AMER1: variants seen among roughly 807,000 people sequenced by gnomAD.
AMER1 encodes APC membrane recruitment protein 1.
Under a neutral mutation model 53.0 loss-of-function variants are expected in AMER1, and 16 were observed. The ratio of observed to expected loss-of-function variants is 0.30; its 90% confidence interval spans 0.20 to 0.46. The LOEUF (loss-of-function observed/expected upper bound fraction) is 0.46. AMER1 is among the 20% of genes least tolerant of loss of function. AMER1 has a pLI of 1.00. For missense variants in AMER1, 947 were observed against 884.9 expected, an observed-to-expected ratio of 1.07 and a Z score of -0.89; for synonymous variants, 354 against 331.9, an observed-to-expected ratio of 1.07 and a Z score of -0.73.
At chrX:64,199,025 G>A (rs1292354317) in intron 1 of AMER1, among the ~76,000 whole-genome samples, 15 of 112,543 alleles carry the variant, frequency 1.3e-4, no homozygotes, top group Admixed American at 9.4e-4. Flanking sequence ...AGGAAGGGCT[G>A]CTTGGCTTGG....
In AMER1 at chrX:64,192,782, G is replaced by C. The variant is rs777973792; in HGVS notation, c.505C>G (p.Leu169Val). The C allele has an allele frequency of 7.4e-6, 9 of 1,209,253 alleles. No individual in the cohort carries two copies. The Admixed American group carries it at 1.5e-4, about 21-fold the overall frequency. Residue 169 changes from leucine to valine, a missense_variant, in exon 2 of 2, where the codon CTA (leucine) becomes GTA (valine). Physicochemically the swap from Leu to Val is conservative, Grantham distance 32. Transcript: ENST00000374869. ...FPSMPKPKKGLKGFFSSIRRH... is the reference protein window; with the variant it reads ...FPSMPKPKKGVKGFFSSIRRH... ...CGGATACTGCTAAAAAAGCCTTTTA[G>C]GCCTTTCTTTGGCTTGGGCATAGAG...
chrX:64,191,309 C>T lies in AMER1; in HGVS notation c.1978G>A (p.Gly660Ser), dbSNP rs768008290. The change falls in exon 2 of 2, where the codon GGC (glycine) becomes AGC (serine). Residue 660 changes from glycine to serine, a missense_variant. Physicochemically the swap from Gly to Ser is moderately conservative, Grantham distance 56. Coordinates refer to ENST00000374869, the MANE Select transcript of AMER1 (RefSeq NM_152424.4). ...PVLEYQMRPL[G>S]PSVMGLAAGV... The stretch of plus-strand genomic sequence containing the variant: ...GCTGCCAGGCCCATCACTGATGGGC[C>T]TAAGGGCCTCATCTGATACTCTAAG... The T allele has an allele frequency of 8.3e-7, 1 of 1,211,590 alleles. No individual in the cohort carries two copies. Among genetic ancestry groups the T allele is most frequent in the Non-Finnish European group, 1.1e-6 (1 of 895,463 alleles).
rs1012900355 is a variant in AMER1 at position 64,188,033 on chromosome X, G to A, written c.*1846C>T. On this transcript the variant is annotated 3_prime_UTR_variant, in exon 2 of 2. Coordinates refer to ENST00000374869, the MANE Select transcript of AMER1 (RefSeq NM_152424.4). ...TCTGCTATTTGTGAGTAAGGGCACT[G>A]GGCCAACCCCAATCTGAGAAATGGT... The A allele has an allele frequency of 3.8e-6, 3 of 782,432 alleles. No individual in the cohort carries two copies. The South Asian group carries it at 2.0e-4, about 52-fold the overall frequency. 64.5% of individuals were successfully genotyped at this position (782,432 alleles called of 1,213,427 possible).
Position 64,191,390 on chromosome X carries a change from C to A in AMER1, c.1897G>T (p.Val633Phe), listed in dbSNP as rs772493411. The A allele has an allele frequency of 1.2e-5, 15 of 1,211,800 alleles. No homozygotes were observed. Among genetic ancestry groups the A allele is most frequent in the Non-Finnish European group, 1.6e-5 (14 of 895,475 alleles). ...CGGACTTGAGTCTCTCTACAACGAA[C>A]CTCTCGGGCCTGGGCTTCTCGGGTT... ...ARTREAQARE[V>F]RCRETQVRET... Residue 633 changes from valine (V) to phenylalanine (F), a missense_variant, in exon 2 of 2, where the codon GTT (valine) becomes TTT (phenylalanine). Val to Phe is a conservative substitution (Grantham distance 50). Transcript: ENST00000374869.
At chrX:64,197,321 C>T (rs1266789881) in intron 1 of AMER1, among the ~76,000 whole-genome samples, 1 of 112,922 alleles carries the variant, frequency 8.9e-6, no homozygotes, top group Non-Finnish European at 1.9e-5. Flanking sequence ...GCGCTGGGGC[C>T]ATTCCAGCTC....
At position 64,189,005 on chromosome X, in the gene AMER1, C is replaced by G. The variant is rs890413015; in HGVS notation, c.*874G>C. 2.5e-6 allele frequency: 2 copies of G among 804,795 alleles called. No homozygotes were observed. The highest frequency in any genetic ancestry group is 6.2e-4 in the Middle Eastern group (1 of 1,618). 66.3% of individuals were successfully genotyped at this position (804,795 alleles called of 1,213,427 possible). The stretch of plus-strand genomic sequence containing the variant: ...TCCTATCATTCCGGAGCTCAACACT[C>G]TATGGCAGTGTCCACAACAGAACCT... On this transcript the variant is annotated 3_prime_UTR_variant, in exon 2 of 2. Transcript: ENST00000374869.
chrX:64,200,022 C>T (rs1325439037), intron 1 of AMER1, among the ~76,000 whole-genome samples: 1 of 112,725 alleles, frequency 8.9e-6, no homozygotes, highest in Non-Finnish European at 1.9e-5. Context: ...CTTCTTAGTG[C>T]CCCAGGTTCC....
chrX:64,189,321 T>C lies in AMER1; in HGVS notation c.*558A>G, dbSNP rs1930175410. ...ATAATTTCACATTGCTAATAGCAAA[T>C]AAGCCCCACTTCCCCAAGCGGGAGG... On this transcript the variant is annotated 3_prime_UTR_variant, in exon 2 of 2. Transcript: ENST00000374869. 1 of 787,631 alleles carries C rather than the reference T, an allele frequency of 1.3e-6. No homozygotes were observed. The allele number at this position is 787,631 out of a possible 1,213,427, so 64.9% of individuals were successfully genotyped here.
intron 1 of AMER1, among the ~76,000 whole-genome samples, chrX:64,201,798 T>C (rs1252590746): frequency 4.5e-5 from 5 of 112,072 alleles, no homozygotes; most frequent in Non-Finnish European, 9.4e-5. Flanking sequence ...GTTTCTTCCA[T>C]ACACACTATC....
chrX:64,187,689 C>T lies in AMER1; in HGVS notation c.*2190G>A, dbSNP rs1930136481. 3 of 775,064 alleles carry T rather than the reference C, an allele frequency of 3.9e-6. No individual in the cohort carries two copies. Among genetic ancestry groups the T allele is most frequent in the South Asian group, 6.7e-5 (1 of 14,996 alleles). 63.9% of individuals were successfully genotyped at this position (775,064 alleles called of 1,213,427 possible). On this transcript the variant is annotated 3_prime_UTR_variant, in exon 2 of 2. Transcript: ENST00000374869. ...AAGAAGAGGCAAGAGGTGGGTTCTT[C>T]CCTGTTGTAAAGGCATTTGGTGAGT...
At chrX:64,203,929 C>G (rs143000738) in intron 1 of AMER1, among the ~76,000 whole-genome samples, 98 of 111,625 alleles carry the variant, frequency 8.8e-4, no homozygotes, top group African/African-American at 3.0e-3. Context: ...CATAAAGGTC[C>G]AGAGCTAGCC....
chrX:64,198,126 T>C (rs913853702), intron 1 of AMER1, among the ~76,000 whole-genome samples: 2 of 111,568 alleles, frequency 1.8e-5, no homozygotes, highest in Admixed American at 9.5e-5. Context: ...GGTCATGTCA[T>C]AGGAGGCTTT....
At position 64,192,438 on chromosome X, in the gene AMER1, C is replaced by T. The variant is rs770918285; in HGVS notation, c.849G>A (p.Glu283=). 1 of 1,205,462 alleles carries T rather than the reference C, an allele frequency of 8.3e-7. No homozygotes were observed. The highest frequency in any genetic ancestry group is 2.2e-5 in the Admixed American group (1 of 45,449). The stretch of plus-strand genomic sequence containing the variant: ...TCTCCCCTGTTTCTGGGCTATGGGG[C>T]TCCTCTAGGCTACTGGCTTCAGGGG... ...KPAPEASSLE[E]PHSPETGEKV... is the part of the protein sequence containing the mutation. Residue 283 remains glutamate, a synonymous_variant, in exon 2 of 2, where the codon GAG becomes GAA. Transcript: ENST00000374869.
Position 64,189,475 on chromosome X carries a change from T to C in AMER1, c.*404A>G, listed in dbSNP as rs938765142. 1 of 640,402 alleles carries C rather than the reference T, an allele frequency of 1.6e-6. No homozygotes were observed. Among genetic ancestry groups the C allele is most frequent in the African/African-American group, 3.4e-5 (1 of 29,371 alleles). The allele number at this position is 640,402 out of a possible 1,213,427, so 52.8% of individuals were successfully genotyped here. On this transcript the variant is annotated 3_prime_UTR_variant, in exon 2 of 2. Coordinates refer to ENST00000374869, the MANE Select transcript of AMER1 (RefSeq NM_152424.4). ...GTGTGCATGTGTGTTTGTGTGTGTG[T>C]GTGTATGTATGTGTGTGTGTGTGTG...
chrX:64,185,963 G>A lies in AMER1; in HGVS notation c.*3916C>T, dbSNP rs978308618. 6 of 468,071 alleles carry A rather than the reference G, an allele frequency of 1.3e-5. No individual in the cohort carries two copies. Among genetic ancestry groups the A allele is most frequent in the Non-Finnish European group, 2.1e-5 (6 of 291,414 alleles). The allele number at this position is 468,071 out of a possible 1,213,427, so 38.6% of individuals were successfully genotyped here. On this transcript the variant is annotated 3_prime_UTR_variant, in exon 2 of 2. Transcript: ENST00000374869. The stretch of plus-strand genomic sequence containing the variant: ...TTGGAGAAACTCAACAAGACAAATA[G>A]CACAACATGGGCACTCTGATTTCAA...
In AMER1 at chrX:64,188,683, A is replaced by G; in HGVS notation, c.*1196T>C. On this transcript the variant is annotated 3_prime_UTR_variant, in exon 2 of 2. Coordinates refer to ENST00000374869, the MANE Select transcript of AMER1 (RefSeq NM_152424.4). ...GGAACATTTTGTGTTGGGAGGCTTG[A>G]GAAGGGAGTTTTCCCTTTTAAGAAA... is the stretch of plus-strand genomic sequence containing the variant. The G allele has an allele frequency of 1.2e-6, 1 of 800,291 alleles. No individual in the cohort carries two copies. The highest frequency in any genetic ancestry group is 1.5e-6 in the Non-Finnish European group (1 of 667,530). 66.0% of individuals were successfully genotyped at this position (800,291 alleles called of 1,213,427 possible). A position where few individuals can be genotyped will look rare whatever the true frequency, so the allele number is the denominator to read the frequency against.
rs372996310 is a variant in AMER1, at chrX:64,191,042, A to G, written c.2245T>C (p.Ser749Pro). The change falls in exon 2 of 2, where the codon TCA becomes CCA. Residue 749 changes from serine (S) to proline (P), a missense_variant. Transcript: ENST00000374869. The part of the protein sequence containing the change: ...GSPRRAYPTY[S>P]PPEDPEEEEV... Reference sequence around the variant, plus strand: ...TCTTCCTCTGGATCTTCAGGGGGTGAATAAGTAGGGTAGGCCCTCCTGGGA... The same window carrying G: ...TCTTCCTCTGGATCTTCAGGGGGTGGATAAGTAGGGTAGGCCCTCCTGGGA... 1.7e-6 allele frequency: 2 copies of G among 1,212,051 alleles called. No individual in the cohort carries two copies. Among genetic ancestry groups the G allele is most frequent in the African/African-American group, 1.7e-5 (1 of 57,880 alleles).
rs1555933313 is a variant in AMER1, at chrX:64,191,374, GTC to G, written c.1911_1912del (p.Glu637AspfsTer69). The G allele has an allele frequency of 8.3e-7, 1 of 1,211,866 alleles. No individual in the cohort carries two copies. Among genetic ancestry groups the G allele is most frequent in the Non-Finnish European group, 1.1e-6 (1 of 895,507 alleles). On this transcript the variant is annotated frameshift_variant, in exon 2 of 2. Transcript: ENST00000374869. LOFTEE classifies it high-confidence loss of function. ...CCGGGCCTGGGTCTCTCGGACTTGA[GTC>G]TCTCTACAACGAACCTCTCGGGCCT...
chrX:64,199,239 G>C (rs779879230), intron 1 of AMER1, among the ~76,000 whole-genome samples: 1 of 112,471 alleles, frequency 8.9e-6, no homozygotes, highest in Non-Finnish European at 1.9e-5. Flanking sequence ...ACTGAGCTTT[G>C]TATAATTCAT....
Sources: gnomAD v4.1 joint callset for allele counts (sites outside exome capture counted in the v4.1 genomes callset) on GRCh38, gnomAD v4.1.1 for gene constraint, MANE v1.5 for transcripts, NCBI Gene and HGNC (gene_info 2026-07-23, HGNC 2026-07-21) for gene names.